The following LDLRAD3 variants were observed in gnomAD, a reference collection of about 807,000 sequenced individuals.
The protein encoded by LDLRAD3 is low-density lipoprotein receptor class A domain-containing protein 3.
A neutral mutation model predicts 29.4 loss-of-function variants in LDLRAD3; 20 were observed. The ratio of observed to expected loss-of-function variants is 0.68; its 90% CI spans 0.48 to 0.99. The LOEUF is 0.99. LDLRAD3 is among the 50% of genes least tolerant of loss of function. The pLI is 0.00. For synonymous variants in LDLRAD3, 157 were observed against 192.7 expected (o/e 0.81, Z 1.53); for missense variants, 420 against 454.3 (o/e 0.92, Z 0.69).
At chr11:36,083,780 A>ACACACACACC (rs1341157355) in intron 3 of LDLRAD3, among the ~76,000 whole-genome samples, 1 of 74,780 alleles carries the variant, frequency 1.3e-5, no homozygotes, top group Non-Finnish European at 3.0e-5. Flanking sequence ...ACACACACAC[A>ACACACACACC]CCCCAGAATA....
intron 4 of LDLRAD3, among the ~76,000 whole-genome samples, chr11:36,201,339 A>G (rs1855124315): frequency 1.3e-5 from 2 of 152,224 alleles, no homozygotes; most frequent in African/African-American, 2.4e-5. Flanking sequence ...TAGCTTGACA[A>G]GTACAACACT....
intron 1 of LDLRAD3, among the ~76,000 whole-genome samples, chr11:36,001,436 T>C (rs1443886835): frequency 6.6e-6 from 1 of 152,186 alleles, no homozygotes; most frequent in African/African-American, 2.4e-5. Context: ...TACAGAAAGA[T>C]TCTGTAGAGG....
chr11:36,099,560 G>A (rs4756275), intron 4 of LDLRAD3, among the ~76,000 whole-genome samples: 48,585 of 152,028 alleles, frequency 0.32, 8,144 homozygotes, highest in East Asian at 0.45. Context: ...ATAAAAGTGT[G>A]AAAAGAAAAG....
chr11:36,206,884 A>G (rs926737086), intron 4 of LDLRAD3, among the ~76,000 whole-genome samples: 1 of 151,362 alleles, frequency 6.6e-6, no homozygotes, highest in African/African-American at 2.4e-5. Context: ...CCCGCCACCA[A>G]GCCCGGGTAA....
intron 2 of LDLRAD3, among the ~76,000 whole-genome samples, chr11:36,065,338 T>C (rs1474985207): frequency 6.6e-6 from 1 of 152,218 alleles, no homozygotes; most frequent in African/African-American, 2.4e-5. Flanking sequence ...ACTTATACTC[T>C]CCTGATTTCA....
intron 4 of LDLRAD3, among the ~76,000 whole-genome samples, chr11:36,183,698 T>A (rs967261936): frequency 6.6e-6 from 1 of 152,170 alleles, no homozygotes; most frequent in Non-Finnish European, 1.5e-5. Context: ...TTTAATAAGC[T>A]CCAAAGGTGA....
intron 1 of LDLRAD3, among the ~76,000 whole-genome samples, chr11:35,982,848 C>CTTTTTTTT (rs61605411): frequency 1.1e-5 from 1 of 88,730 alleles, no homozygotes; most frequent in Non-Finnish European, 2.0e-5. Context: ...CTGTTTGCTG[C>CTTTTTTTT]TTTTTTTTTT....
In LDLRAD3 at chr11:36,232,057, C is replaced by T. The variant is rs528518088; in HGVS notation, c.*2660C>T. On this transcript the variant is annotated 3_prime_UTR_variant, in exon 6 of 6. Coordinates refer to ENST00000315571, the MANE Select transcript of LDLRAD3 (RefSeq NM_174902.4). ...AATGTAAACTGGAAAGGTTGTGTGT[C>T]GTTGCTTTTTGTGTTTTGGTTAGGC... The T allele has an allele frequency of 1.6e-4, 24 of 152,214 alleles. No individual in the cohort carries two copies. Among genetic ancestry groups the T allele is most frequent in the African/African-American group, 5.5e-4 (23 of 41,540 alleles). The allele number at this position is 152,214 out of a possible 1,614,324, so 9.4% of individuals were successfully genotyped here.
chr11:36,022,107 A>G (rs1332824953), intron 1 of LDLRAD3, among the ~76,000 whole-genome samples: 1 of 152,198 alleles, frequency 6.6e-6, no homozygotes, highest in African/African-American at 2.4e-5. Context: ...ATTTACTGAA[A>G]AATCGTTTCC....
chr11:36,164,390 C>G (rs1227734927), intron 4 of LDLRAD3, among the ~76,000 whole-genome samples: 1 of 152,190 alleles, frequency 6.6e-6, no homozygotes, highest in African/African-American at 2.4e-5. Flanking sequence ...GTGCCCCTGC[C>G]CCTGCACTTG....
intron 2 of LDLRAD3, among the ~76,000 whole-genome samples, chr11:36,076,204 T>C (rs1462608433): frequency 7.0e-6 from 1 of 143,748 alleles, no homozygotes; most frequent in East Asian, 2.0e-4. Flanking sequence ...ATATTTATTT[T>C]TGTCTGTCTG....
Position 36,081,657 on chromosome 11 carries a change from G to A in LDLRAD3, c.198G>A (p.Lys66=). 1 of 1,614,230 alleles carries A rather than the reference G, an allele frequency of 6.2e-7. No homozygotes were observed. Residue 66 remains lysine (K), a synonymous_variant, in exon 3 of 6, where the codon AAG becomes AAA. Coordinates refer to ENST00000315571, the MANE Select transcript of LDLRAD3 (RefSeq NM_174902.4). ...TGTTTCTTTTTCTTCCTGCAGCCAA[G>A]GCTAAGTCGAAATGTGGCCCAACCT... The part of the protein sequence containing the change: ...FDKSDEKECP[K]AKSKCGPTFF...
rs186327754 is a variant in LDLRAD3, at chr11:36,069,436, C to T, written c.194-12217C>T. Among the ~76,000 whole-genome samples, 25 of 152,186 alleles carry T rather than the reference C, an allele frequency of 1.6e-4. 1 individual carries two copies. The highest frequency in any genetic ancestry group is 6.5e-4 in the Admixed American group (10 of 15,270). On this transcript the variant is annotated intron_variant, in intron 2 of 5. Coordinates refer to ENST00000315571, the MANE Select transcript of LDLRAD3 (RefSeq NM_174902.4). ...TTAATAGCAGCAACATCAGATCGAC[C>T]GCTTTTTGCAGTTTTTAGCTAGCAA...
At chr11:36,153,723 A>C (rs573089556) in intron 4 of LDLRAD3, among the ~76,000 whole-genome samples, 1 of 152,318 alleles carries the variant, frequency 6.6e-6, no homozygotes, top group Admixed American at 6.5e-5. Flanking sequence ...TCTTGAACAA[A>C]GGAGAAGGGA....
intron 4 of LDLRAD3, among the ~76,000 whole-genome samples, chr11:36,210,431 G>A (rs1295406231): frequency 6.6e-6 from 1 of 152,144 alleles, no homozygotes; most frequent in Non-Finnish European, 1.5e-5. Flanking sequence ...TGTTTCGAGG[G>A]CTTTCAACAG....
At chr11:35,979,416 G>A (rs1234763329) in intron 1 of LDLRAD3, among the ~76,000 whole-genome samples, 1 of 152,218 alleles carries the variant, frequency 6.6e-6, no homozygotes, top group Non-Finnish European at 1.5e-5. Context: ...GGAAAATGAA[G>A]TTGCAGTTTT....
chr11:36,058,170 G>T (rs1852648736), intron 2 of LDLRAD3, among the ~76,000 whole-genome samples: 1 of 152,180 alleles, frequency 6.6e-6, no homozygotes, highest in Non-Finnish European at 1.5e-5. Flanking sequence ...TGTCTCTTCA[G>T]CAGCAGCTCC....
At chr11:36,129,906 C>T (rs1243977147) in intron 4 of LDLRAD3, among the ~76,000 whole-genome samples, 1 of 152,138 alleles carries the variant, frequency 6.6e-6, no homozygotes, top group Non-Finnish European at 1.5e-5. Context: ...GTACACTGTC[C>T]TTACATTCAT....
intron 4 of LDLRAD3, among the ~76,000 whole-genome samples, chr11:36,104,851 T>A (rs1336456980): frequency 6.6e-6 from 1 of 152,162 alleles, no homozygotes; most frequent in East Asian, 1.9e-4. Context: ...AACACTGAGC[T>A]GGGCCCAGGA....
Sources: allele counts gnomAD v4.1 joint callset (sites outside exome capture counted in the v4.1 genomes callset), GRCh38; gene constraint gnomAD v4.1.1; transcripts MANE v1.5; gene names NCBI Gene and HGNC (gene_info 2026-07-23, HGNC 2026-07-21).